The following XPNPEP1 variants were observed in gnomAD, a reference collection of about 807,000 sequenced individuals.
XPNPEP1 encodes xaa-Pro aminopeptidase 1.
XPNPEP1 carries 39 observed loss-of-function variants against 92.4 expected under a neutral mutation model. The observed-to-expected ratio is 0.42, with a 90% CI of 0.33 to 0.55. XPNPEP1 has a LOEUF of 0.55. Among genes scored for constraint, XPNPEP1 ranks in the 20% least tolerant of loss-of-function variants. XPNPEP1 has a pLI of 0.08. For missense variants in XPNPEP1, 654 were observed against 856.1 expected, an observed-to-expected ratio of 0.76 and a Z score of 2.95; for synonymous variants, 307 against 299.4, an observed-to-expected ratio of 1.03 and a Z score of -0.26.
intron 3 of XPNPEP1, among the ~76,000 whole-genome samples, chr10:109,907,051 A>T (rs1849593791): frequency 6.6e-6 from 1 of 152,204 alleles, no homozygotes; most frequent in South Asian, 2.1e-4. Context: ...TCATCTCTAT[A>T]TCATGTCTAA....
At chr10:109,890,444 A>G (rs1204367488) in intron 5 of XPNPEP1, among the ~76,000 whole-genome samples, 1 of 152,196 alleles carries the variant, frequency 6.6e-6, no homozygotes, top group African/African-American at 2.4e-5. Flanking sequence ...ACAAACATAC[A>G]TACATGTTGC....
At chr10:109,890,912 T>C (rs1848673172) in intron 5 of XPNPEP1, among the ~76,000 whole-genome samples, 1 of 152,180 alleles carries the variant, frequency 6.6e-6, no homozygotes, top group Non-Finnish European at 1.5e-5. Context: ...CCTCATTATT[T>C]CCTACAACAA....
At chr10:109,908,613 A>G (rs975544954) in intron 2 of XPNPEP1, among the ~76,000 whole-genome samples, 7 of 152,172 alleles carry the variant, frequency 4.6e-5, no homozygotes, top group African/African-American at 1.7e-4. Flanking sequence ...AAAACAAAAC[A>G]AAACAAACAG....
intron 8 of XPNPEP1, 50 bp downstream of exon 8, chr10:109,886,196 C>A: frequency 6.3e-7 from 1 of 1,588,894 alleles, no homozygotes; most frequent in Non-Finnish European, 8.6e-7. Flanking sequence ...CCCAGAGACC[C>A]AAAGGAGAGA....
At chr10:109,916,907 G>T (rs1252800689) in intron 1 of XPNPEP1, among the ~76,000 whole-genome samples, 2 of 152,104 alleles carry the variant, frequency 1.3e-5, no homozygotes, top group African/African-American at 4.8e-5. Flanking sequence ...CGCAGAAAAA[G>T]CACGACAAAA....
At position 109,870,801 on chromosome 10, in the gene XPNPEP1, C is replaced by T; in HGVS notation, c.1626G>A (p.Glu542=). 6.2e-7 allele frequency: 1 copy of T among 1,614,138 alleles called. No individual in the cohort carries two copies. Among genetic ancestry groups the T allele is most frequent in the African/African-American group, 1.3e-5 (1 of 75,014 alleles). The change falls in exon 18 of 21, where the codon GAG becomes GAA. Residue 542 remains glutamate, a synonymous_variant. Transcript: ENST00000502935. ...TTTTGTAACTGATGCCGCAAGGACCCTCATGGACATTCAAAAAAGACCCAA... is the reference window on the plus strand; with the variant it reads ...TTTTGTAACTGATGCCGCAAGGACCTTCATGGACATTCAAAAAAGACCCAA... ...HGVGSFLNVH[E]GPCGISYKTF... is the part of the protein sequence containing the mutation.
At chr10:109,891,054 T>G (rs966183052) in intron 5 of XPNPEP1, among the ~76,000 whole-genome samples, 4 of 152,232 alleles carry the variant, frequency 2.6e-5, no homozygotes, top group Non-Finnish European at 5.9e-5. Context: ...CTAAAGACTA[T>G]TTTAATGACA....
chr10:109,887,815 C>T (rs948145518), intron 7 of XPNPEP1, among the ~76,000 whole-genome samples: 10 of 152,196 alleles, frequency 6.6e-5, no homozygotes, highest in African/African-American at 2.4e-4. Context: ...ACCCAAAAAG[C>T]CACCCAAACG....
chr10:109,878,665 A>C (rs1224846253), intron 12 of XPNPEP1, among the ~76,000 whole-genome samples: 4 of 152,170 alleles, frequency 2.6e-5, no homozygotes, highest in African/African-American at 9.7e-5. Flanking sequence ...AGATAGGTGG[A>C]TCGCTTGAGC....
chr10:109,904,034 T>C (rs1849425353), intron 3 of XPNPEP1, among the ~76,000 whole-genome samples: 1 of 151,378 alleles, frequency 6.6e-6, no homozygotes, highest in South Asian at 2.1e-4. Flanking sequence ...TTGGCAGAGA[T>C]GGGGTTTCAC....
chr10:109,883,358 C>T (rs117366658), intron 9 of XPNPEP1, among the ~76,000 whole-genome samples: 1,885 of 152,166 alleles, frequency 0.012, 29 homozygotes, highest in Non-Finnish European at 0.016. Context: ...TTTATCCTTA[C>T]TCTCTGCTTC....
intron 3 of XPNPEP1, among the ~76,000 whole-genome samples, chr10:109,894,675 C>T: frequency 6.6e-6 from 1 of 152,210 alleles, no homozygotes; most frequent in Middle Eastern, 3.2e-3. Flanking sequence ...GATAAAGCAG[C>T]TCTGGGCCAC....
At chr10:109,915,974 G>C (rs554983721) in intron 1 of XPNPEP1, among the ~76,000 whole-genome samples, 2 of 152,178 alleles carry the variant, frequency 1.3e-5, no homozygotes, top group African/African-American at 4.8e-5. Flanking sequence ...GGACACAACA[G>C]TGAACAAAAC....
chr10:109,880,979 C>G (rs765023757), intron 10 of XPNPEP1, 48 bp from the exon 11 acceptor site: 1 of 1,561,474 alleles, frequency 6.4e-7, no homozygotes, highest in Non-Finnish European at 8.8e-7. Flanking sequence ...GCTCCACCCA[C>G]CCAAGACCAA....
Position 109,891,657 on chromosome 10 carries a change from A to G in XPNPEP1, c.415+65T>C, listed in dbSNP as rs1006921278. On this transcript the variant is annotated intron_variant, in intron 5 of 20. Coordinates refer to ENST00000502935, the MANE Select transcript of XPNPEP1 (RefSeq NM_020383.4). ...AAAGGATTAAGATCCAGGAGTCCTGAGGACCTCTAGGATCCCTGCCCAGAT... is the reference window on the plus strand; with the variant it reads ...AAAGGATTAAGATCCAGGAGTCCTGGGGACCTCTAGGATCCCTGCCCAGAT... 5.5e-5 allele frequency: 71 copies of G among 1,298,832 alleles called. No individual in the cohort carries two copies. The Admixed American group carries it at 8.2e-4, about 15-fold the overall frequency. 80.5% of individuals were successfully genotyped at this position (1,298,832 alleles called of 1,614,324 possible). A position where few individuals can be genotyped will look rare whatever the true frequency, so the allele number is the denominator to read the frequency against.
At chr10:109,880,542 A>G (rs1848033846) in intron 11 of XPNPEP1, among the ~76,000 whole-genome samples, 1 of 152,136 alleles carries the variant, frequency 6.6e-6, no homozygotes. Flanking sequence ...CCAGGAAAAA[A>G]CAGGCCACTA....
intron 16 of XPNPEP1, among the ~76,000 whole-genome samples, chr10:109,872,192 G>A (rs574470942): frequency 6.6e-6 from 1 of 152,324 alleles, no homozygotes; most frequent in South Asian, 2.1e-4. Context: ...ACATTACTGA[G>A]CTATCCTCTG....
At chr10:109,875,688 T>G in intron 14 of XPNPEP1, 89 bp from the exon 15 acceptor site, 1 of 1,052,798 alleles carries the variant, frequency 9.5e-7, no homozygotes, top group Non-Finnish European at 1.4e-6. Context: ...CTTTGTACTA[T>G]TCTTGCAACT....
chr10:109,888,937 C>T (rs1848555270), intron 5 of XPNPEP1, among the ~76,000 whole-genome samples: 2 of 152,206 alleles, frequency 1.3e-5, no homozygotes, highest in African/African-American at 4.8e-5. Flanking sequence ...CGTTCAGTCA[C>T]TTCCCCACTA....
Sources: allele counts gnomAD v4.1 joint callset (sites outside exome capture counted in the v4.1 genomes callset), GRCh38; gene constraint gnomAD v4.1.1; transcripts MANE v1.5; gene names NCBI Gene and HGNC (gene_info 2026-07-23, HGNC 2026-07-21).